The following RGL1 variants were observed in gnomAD, a reference collection of about 807,000 sequenced individuals.
RGL1 encodes the protein ral guanine nucleotide dissociation stimulator like 1.
RGL1 carries 24 observed loss-of-function variants against 95.2 expected under a neutral mutation model. The ratio of observed to expected loss-of-function variants is 0.25; its 90% CI spans 0.18 to 0.35. The LOEUF (loss-of-function observed/expected upper bound fraction) is 0.35. Among genes scored for constraint, RGL1 ranks in the 10% least tolerant of loss-of-function variants. The pLI is 1.00. For missense variants in RGL1, 715 were observed against 936.3 expected (o/e 0.76, Z 3.08); for synonymous variants, 329 against 344.9 (o/e 0.95, Z 0.51).
chr1:183,899,351 G>A (rs1466442645), intron 10 of RGL1, among the ~76,000 whole-genome samples: 1 of 152,196 alleles, frequency 6.6e-6, no homozygotes, highest in Non-Finnish European at 1.5e-5. Flanking sequence ...TGTCACCCCT[G>A]TCTCTTCAGG....
intron 2 of RGL1, among the ~76,000 whole-genome samples, chr1:183,766,175 G>A (rs1001277058): frequency 1.3e-5 from 2 of 152,022 alleles, no homozygotes; most frequent in Non-Finnish European, 2.9e-5. Flanking sequence ...GGTAGGCCGA[G>A]GCGGGCGGAT....
chr1:183,805,873 G>A (rs1206998936), intron 1 of RGL1, among the ~76,000 whole-genome samples: 2 of 150,702 alleles, frequency 1.3e-5, no homozygotes, highest in Non-Finnish European at 2.9e-5. Flanking sequence ...ACACTTGTTT[G>A]TGTCTGAGTT....
chr1:183,876,700 ATATG>A (rs1666517677), intron 4 of RGL1, among the ~76,000 whole-genome samples: 1 of 152,216 alleles, frequency 6.6e-6, no homozygotes, highest in Admixed American at 6.5e-5. Flanking sequence ...ACCTCAAGGT[ATATG>A]TATGTGGGCA....
chr1:183,696,520 C>T (rs979722871), intron 1 of RGL1, among the ~76,000 whole-genome samples: 6 of 152,138 alleles, frequency 3.9e-5, no homozygotes, highest in African/African-American at 1.4e-4. Context: ...TTGCCAGCCT[C>T]AATCCACAAA....
At chr1:183,861,827 C>G (rs191763763) in intron 3 of RGL1, among the ~76,000 whole-genome samples, 1 of 152,314 alleles carries the variant, frequency 6.6e-6, no homozygotes, top group East Asian at 1.9e-4. Context: ...CATACACACT[C>G]ATACACACAC....
chr1:183,851,270 G>A (rs1664809881), intron 3 of RGL1, among the ~76,000 whole-genome samples: 1 of 152,158 alleles, frequency 6.6e-6, no homozygotes, highest in South Asian at 2.1e-4. Context: ...GAATGGAATT[G>A]ACAAGTACTC....
At chr1:183,640,096 C>T (rs868304332) in intron 1 of RGL1, among the ~76,000 whole-genome samples, 1 of 152,078 alleles carries the variant, frequency 6.6e-6, no homozygotes, top group Non-Finnish European at 1.5e-5. Context: ...CTTGGGCTCC[C>T]GAAGTGCTGG....
chr1:183,699,430 C>G (rs1354298826), intron 1 of RGL1, among the ~76,000 whole-genome samples: 1 of 152,144 alleles, frequency 6.6e-6, no homozygotes, highest in Non-Finnish European at 1.5e-5. Flanking sequence ...AAGGAATGTT[C>G]TAGAGAGCCC....
At chr1:183,715,762 AAAGG>A (rs995180836) in intron 1 of RGL1, among the ~76,000 whole-genome samples, 1 of 146,416 alleles carries the variant, frequency 6.8e-6, no homozygotes, top group African/African-American at 2.5e-5. Context: ...ATACATGTAG[AAAGG>A]GAGGGAGGGA....
intron 8 of RGL1, among the ~76,000 whole-genome samples, chr1:183,889,251 G>A (rs2102662647): frequency 6.6e-6 from 1 of 152,222 alleles, no homozygotes. Context: ...GTGAGGGAGG[G>A]GGCAGTTCTG....
intron 2 of RGL1, among the ~76,000 whole-genome samples, chr1:183,838,338 G>A (rs1027927758): frequency 1.3e-5 from 2 of 152,260 alleles, no homozygotes; most frequent in Admixed American, 6.5e-5. Context: ...CCTTCAGGAG[G>A]GTTCCTGGAC....
intron 1 of RGL1, among the ~76,000 whole-genome samples, chr1:183,650,492 A>G (rs189195739): frequency 6.6e-5 from 10 of 152,248 alleles, no homozygotes; most frequent in South Asian, 2.1e-4. Flanking sequence ...GCAGTGAGCC[A>G]ACATCCCACC....
intron 4 of RGL1, among the ~76,000 whole-genome samples, chr1:183,874,772 G>A (rs1666389621): frequency 1.3e-5 from 2 of 152,148 alleles, no homozygotes; most frequent in Admixed American, 1.3e-4. Flanking sequence ...AAAACAAAGA[G>A]GAAAGCTTTG....
At chr1:183,647,450 A>T in intron 1 of RGL1, 1 of 496,344 alleles carries the variant, frequency 2.0e-6, no homozygotes, top group Non-Finnish European at 3.1e-6. Context: ...TGATACTGCC[A>T]CTTTCAAAAT....
chr1:183,795,235 C>T (rs1660638550), intron 2 of RGL1, among the ~76,000 whole-genome samples: 4 of 152,130 alleles, frequency 2.6e-5, no homozygotes, highest in Non-Finnish European at 5.9e-5. Context: ...CTGCTATGTG[C>T]TAGGCACAGT....
intron 1 of RGL1, among the ~76,000 whole-genome samples, chr1:183,643,012 A>G (rs1038925637): frequency 4.6e-5 from 7 of 152,162 alleles, no homozygotes; most frequent in African/African-American, 1.7e-4. Context: ...AAGTGGAATC[A>G]TGTGGTGTTT....
At chr1:183,877,785 A>G (rs1432480493) in intron 4 of RGL1, among the ~76,000 whole-genome samples, 1 of 152,202 alleles carries the variant, frequency 6.6e-6, no homozygotes, top group Non-Finnish European at 1.5e-5. Context: ...AAAAAAATGT[A>G]TAGATCGCCA....
intron 11 of RGL1, among the ~76,000 whole-genome samples, 194 bp downstream of exon 11, chr1:183,900,430 A>G (rs1667948330): frequency 6.6e-6 from 1 of 152,272 alleles, no homozygotes; most frequent in Non-Finnish European, 1.5e-5. Context: ...AGTAATTAAT[A>G]TATCAAAATA....
At chr1:183,815,486 A>G (rs1662024103) in intron 2 of RGL1, among the ~76,000 whole-genome samples, 1 of 152,216 alleles carries the variant, frequency 6.6e-6, no homozygotes, top group Non-Finnish European at 1.5e-5. Context: ...CAGAGCCATC[A>G]AGGCCTGGCT....
Sources: gnomAD v4.1 joint callset for allele counts (sites outside exome capture counted in the v4.1 genomes callset) on GRCh38, gnomAD v4.1.1 for gene constraint, MANE v1.5 for transcripts, NCBI Gene and HGNC (gene_info 2026-07-23, HGNC 2026-07-21) for gene names.